SUZ12: variants seen among roughly 807,000 people sequenced by gnomAD.
SUZ12 encodes SUZ12 polycomb repressive complex 2 subunit.
SUZ12 carries 17 observed loss-of-function variants against 87.3 expected under a neutral mutation model. That is an observed-to-expected ratio of 0.19 (90% CI 0.13 to 0.29). SUZ12 has a LOEUF of 0.29. Ranked by LOEUF, SUZ12 falls within the 10% of genes least tolerant of loss-of-function variation. SUZ12 has a pLI of 1.00. For synonymous variants in SUZ12, 253 were observed against 312.4 expected (o/e 0.81, Z 2.01); for missense variants, 526 against 912.2 (o/e 0.58, Z 5.45).
rs543743287 is a variant in SUZ12, at chr17:31,999,241, A to G, written c.*238A>G. The G allele has an allele frequency of 4.6e-5, 15 of 322,690 alleles. No homozygotes were observed. The highest frequency in any genetic ancestry group is 7.8e-5 in the Non-Finnish European group (14 of 178,398). 20.0% of individuals were successfully genotyped at this position (322,690 alleles called of 1,614,324 possible). On this transcript the variant is annotated 3_prime_UTR_variant, in exon 16 of 16. Coordinates refer to ENST00000322652, the MANE Select transcript of SUZ12 (RefSeq NM_015355.4). The stretch of plus-strand genomic sequence containing the variant: ...TTCTGTACTTTAAGCATGAAAAGCA[A>G]TATTTCAAAGTATTTTTAAACTCAA...
chr17:31,975,509 C>T lies in SUZ12; in HGVS notation c.619C>T (p.Pro207Ser). Residue 207 changes from proline (P) to serine (S), a missense_variant, in exon 7 of 16, where the codon CCC becomes TCC. Coordinates refer to ENST00000322652, the MANE Select transcript of SUZ12 (RefSeq NM_015355.4). ...KDVSCPIRQV[P>S]TGKKQVPLNP... ...TGTAAGTTGTCCAATAAGGCAAGTTCCCACAGGTAAAAAGCAGGTGCCTTT... is the reference window on the plus strand; with the variant it reads ...TGTAAGTTGTCCAATAAGGCAAGTTTCCACAGGTAAAAAGCAGGTGCCTTT... 1.2e-6 allele frequency: 2 copies of T among 1,613,556 alleles called. No homozygotes were observed. Among genetic ancestry groups the T allele is most frequent in the Non-Finnish European group, 1.7e-6 (2 of 1,179,710 alleles).
chr17:31,969,333 G>A (rs1908278686), intron 5 of SUZ12, among the ~76,000 whole-genome samples: 1 of 152,110 alleles, frequency 6.6e-6, no homozygotes, highest in Admixed American at 6.6e-5. Context: ...TTTTAGTAGA[G>A]ATGGGGTTTC....
chr17:31,982,802 T>C (rs1909192016), intron 8 of SUZ12, among the ~76,000 whole-genome samples, 197 bp from the exon 9 acceptor site: 1 of 152,246 alleles, frequency 6.6e-6, no homozygotes, highest in South Asian at 2.1e-4. Context: ...GAATTCCTAG[T>C]AATACAGTTT....
intron 14 of SUZ12, 100 bp downstream of exon 14, chr17:31,995,862 TAA>T (rs1220841671): frequency 8.9e-4 from 618 of 694,746 alleles, no homozygotes; most frequent in East Asian, 1.2e-3. Context: ...GAACTTTTTT[TAA>T]AAAAAAAAAA....
chr17:31,984,402 T>C (rs916858975), intron 9 of SUZ12, among the ~76,000 whole-genome samples: 3 of 150,674 alleles, frequency 2.0e-5, no homozygotes, highest in Non-Finnish European at 3.0e-5. Flanking sequence ...AAAATGAACA[T>C]TCATAAGCAT....
intron 4 of SUZ12, among the ~76,000 whole-genome samples, chr17:31,948,110 T>C (rs1282747431): frequency 6.6e-6 from 1 of 152,196 alleles, no homozygotes; most frequent in Non-Finnish European, 1.5e-5. Context: ...TTTTTCCATC[T>C]TTTTCTTCTC....
In SUZ12 at chr17:31,949,158, C is replaced by T. The variant is rs1213524864; in HGVS notation, c.455+1473C>T. Among the ~76,000 whole-genome samples, 17 of 152,314 alleles carry T rather than the reference C, an allele frequency of 1.1e-4. No individual in the cohort carries two copies. In the East Asian group the frequency reaches 2.9e-3, roughly 26 times the overall value. On this transcript the variant is annotated intron_variant, in intron 4 of 15. Transcript: ENST00000322652. ...TTACCTTCACTACTAAACCCTATTA[C>T]TATCTCATTGTGACATTGGGTTTGA...
intron 15 of SUZ12, among the ~76,000 whole-genome samples, chr17:31,997,860 A>G (rs1910063016): frequency 6.6e-6 from 1 of 152,090 alleles, no homozygotes; most frequent in Non-Finnish European, 1.5e-5. Flanking sequence ...ATTTTTCAGA[A>G]TAAAACGTGG....
intron 3 of SUZ12, among the ~76,000 whole-genome samples, chr17:31,945,406 A>G (rs532341401): frequency 1.3e-5 from 2 of 152,348 alleles, no homozygotes; most frequent in South Asian, 4.1e-4. Context: ...TTCAACTTCT[A>G]TAGGCTAACA....
In SUZ12 at chr17:31,995,729, G is replaced by A. The variant is rs1909941060; in HGVS notation, c.1761G>A (p.Lys587=). The A allele has an allele frequency of 6.2e-7, 1 of 1,613,740 alleles. No individual in the cohort carries two copies. Among genetic ancestry groups the A allele is most frequent in the Non-Finnish European group, 8.5e-7 (1 of 1,179,816 alleles). ...QEMEVDSEDE[K]DPEWLREKTI... is the part of the protein sequence containing the mutation. ...TGGAAGTAGATAGTGAAGATGAAAA[G>A]GATCCTGAATGGCTAAGAGAAAAAA... The change falls in exon 14 of 16, where the codon AAG becomes AAA. Residue 587 remains lysine (K), a synonymous_variant. Transcript: ENST00000322652.
intron 5 of SUZ12, among the ~76,000 whole-genome samples, chr17:31,970,380 C>T (rs1908352315): frequency 6.6e-6 from 1 of 152,126 alleles, no homozygotes; most frequent in African/African-American, 2.4e-5. Context: ...GTAATCCCAG[C>T]ACTTTGGGAG....
intron 4 of SUZ12, among the ~76,000 whole-genome samples, chr17:31,955,291 T>G (rs548727295): frequency 6.6e-6 from 1 of 152,006 alleles, no homozygotes; most frequent in Non-Finnish European, 1.5e-5. Context: ...TAAAAAAAGG[T>G]TTTTTTAGGA....
intron 4 of SUZ12, among the ~76,000 whole-genome samples, chr17:31,952,460 A>G (rs1217733271): frequency 6.6e-6 from 1 of 152,206 alleles, no homozygotes; most frequent in Non-Finnish European, 1.5e-5. Flanking sequence ...TTGACCAGGC[A>G]CTATGGCTGA....
intron 4 of SUZ12, chr17:31,963,687 A>AT (rs1555587936): frequency 1.0e-4 from 15 of 147,544 alleles, no homozygotes; most frequent in East Asian, 2.1e-4. Flanking sequence ...CACGCCTGGC[A>AT]TTTTTTTTTG....
At chr17:31,993,795 G>T in intron 11 of SUZ12, 70 bp from the exon 12 acceptor site, 1 of 1,430,438 alleles carries the variant, frequency 7.0e-7, no homozygotes, top group Non-Finnish European at 9.5e-7. Flanking sequence ...ATTTTTAGAA[G>T]TGATATTTAA....
At chr17:31,997,758 C>G (rs891507043) in intron 15 of SUZ12, among the ~76,000 whole-genome samples, 1 of 151,480 alleles carries the variant, frequency 6.6e-6, no homozygotes, top group Non-Finnish European at 1.5e-5. Context: ...CATTTAATGA[C>G]CCAATTTTCA....
chr17:31,981,280 G>T (rs559068568), intron 8 of SUZ12, among the ~76,000 whole-genome samples: 176 of 152,262 alleles, frequency 1.2e-3, no homozygotes, highest in Non-Finnish European at 1.8e-3. Context: ...CCCAATAGAA[G>T]AATGGGCAAA....
At chr17:31,984,878 G>T (rs549886612) in intron 9 of SUZ12, among the ~76,000 whole-genome samples, 4 of 152,152 alleles carry the variant, frequency 2.6e-5, no homozygotes, top group African/African-American at 9.7e-5. Context: ...AGTTGGGGCC[G>T]GGCTCAGTGG....
chr17:31,994,833 C>CTATGGGGTTGCT, intron 13 of SUZ12, 112 bp downstream of exon 13: 1 of 1,178,604 alleles, frequency 8.5e-7, no homozygotes, highest in South Asian at 1.6e-5. Context: ...TATTATTTTT[C>CTATGGGGTTGCT]AGTATTAGGT....
Sources: allele counts gnomAD v4.1 joint callset (sites outside exome capture counted in the v4.1 genomes callset), GRCh38; gene constraint gnomAD v4.1.1; transcripts MANE v1.5; gene names NCBI Gene and HGNC (gene_info 2026-07-23, HGNC 2026-07-21).